Variants in EBF1 observed in about 807,000 individuals in gnomAD.
EBF1 encodes EBF transcription factor 1.
In EBF1, 10 loss-of-function variants were observed where a neutral mutation model predicts 68.4. The ratio of observed to expected loss-of-function variants is 0.15; its 90% confidence interval spans 0.09 to 0.25. The LOEUF is 0.25. Ranked by LOEUF, EBF1 falls within the 10% of genes least tolerant of loss-of-function variation. EBF1 has a pLI of 1.00. For synonymous variants in EBF1, 298 were observed against 299.8 expected (o/e 0.99, Z 0.06); for missense variants, 509 against 794.4 (o/e 0.64, Z 4.32).
chr5:159,096,651 G>A (rs551461580), intron 2 of EBF1: 3 of 611,170 alleles, frequency 4.9e-6, no homozygotes, highest in Middle Eastern at 4.4e-4. Context: ...CCAGGGCCTA[G>A]GGGCTCGTGC....
At chr5:159,023,079 G>A (rs1026739953) in intron 6 of EBF1, among the ~76,000 whole-genome samples, 22 of 152,006 alleles carry the variant, frequency 1.4e-4, no homozygotes, top group Middle Eastern at 3.4e-3. Context: ...TTTGGGAATC[G>A]TGAAAGCTTG....
At chr5:159,052,215 A>G (rs2127823797) in intron 6 of EBF1, among the ~76,000 whole-genome samples, 1 of 152,292 alleles carries the variant, frequency 6.6e-6, no homozygotes, top group African/African-American at 2.4e-5. Flanking sequence ...CACCAAAAAA[A>G]AAAGACATTG....
intron 6 of EBF1, among the ~76,000 whole-genome samples, chr5:158,982,183 C>G (rs1758034494): frequency 6.6e-6 from 1 of 152,178 alleles, no homozygotes; most frequent in African/African-American, 2.4e-5. Flanking sequence ...CTAAAAATAT[C>G]TTTAGAAATC....
At chr5:158,839,313 G>T (rs924083377) in intron 7 of EBF1, among the ~76,000 whole-genome samples, 1 of 152,244 alleles carries the variant, frequency 6.6e-6, no homozygotes. Flanking sequence ...CAAAGGAAGA[G>T]AAAGCCATTA....
At chr5:158,771,897 A>G (rs1773948274) in intron 10 of EBF1, among the ~76,000 whole-genome samples, 2 of 152,176 alleles carry the variant, frequency 1.3e-5, no homozygotes, top group Non-Finnish European at 2.9e-5. Context: ...CTATCAGCCC[A>G]GGGCTCTGTC....
chr5:158,780,524 T>G (rs1776237129), intron 9 of EBF1, among the ~76,000 whole-genome samples: 1 of 152,162 alleles, frequency 6.6e-6, no homozygotes, highest in Non-Finnish European at 1.5e-5. Context: ...TTTAAAAAAC[T>G]TATTTTAAAA....
At chr5:158,968,984 C>T (rs373763255) in intron 6 of EBF1, among the ~76,000 whole-genome samples, 2 of 152,216 alleles carry the variant, frequency 1.3e-5, no homozygotes, top group East Asian at 3.9e-4. Context: ...GCCTGGATAC[C>T]ACTGAAAATA....
At chr5:159,074,770 T>C (rs1778433910) in intron 5 of EBF1, among the ~76,000 whole-genome samples, 1 of 152,232 alleles carries the variant, frequency 6.6e-6, no homozygotes, top group Non-Finnish European at 1.5e-5. Context: ...GTATCTCCTT[T>C]GTCAAAGCCT....
At chr5:158,839,712 T>C (rs564300918) in intron 7 of EBF1, among the ~76,000 whole-genome samples, 1 of 152,286 alleles carries the variant, frequency 6.6e-6, no homozygotes, top group African/African-American at 2.4e-5. Flanking sequence ...GTTTTCTACA[T>C]ACAAAATTTT....
At chr5:158,896,063 TC>T (rs1319700006) in intron 6 of EBF1, among the ~76,000 whole-genome samples, 1 of 152,122 alleles carries the variant, frequency 6.6e-6, no homozygotes, top group Admixed American at 6.6e-5. Flanking sequence ...AAGGAAAGGT[TC>T]TTTAGCTACA....
chr5:159,007,464 AC>A (rs1421794849), intron 6 of EBF1, among the ~76,000 whole-genome samples: 1 of 152,224 alleles, frequency 6.6e-6, no homozygotes, highest in Non-Finnish European at 1.5e-5. Context: ...CTTATTGTGT[AC>A]TACATAAGCA....
intron 6 of EBF1, among the ~76,000 whole-genome samples, chr5:158,991,130 C>T (rs543935859): frequency 1.2e-4 from 18 of 152,316 alleles, no homozygotes; most frequent in Non-Finnish European, 2.4e-4. Flanking sequence ...ACTTTGATTT[C>T]TACGTTTGTT....
At chr5:158,832,755 T>C (rs753074970) in intron 7 of EBF1, among the ~76,000 whole-genome samples, 3 of 152,216 alleles carry the variant, frequency 2.0e-5, no homozygotes, top group Non-Finnish European at 4.4e-5. Flanking sequence ...AGAGATACCA[T>C]GGCTTGTTAA....
At position 158,923,041 on chromosome 5, in the gene EBF1, G is replaced by A. The variant is rs144891996; in HGVS notation, c.555-82931C>T. On this transcript the variant is annotated intron_variant, in intron 6 of 15. Coordinates refer to ENST00000313708, the MANE Select transcript of EBF1 (RefSeq NM_024007.5). ...TAGGTGGTCTATTAGCAGGAGGGGC[G>A]ATTTGAACGCAGAAAGCCCCTCCGT... is the stretch of plus-strand genomic sequence containing the variant. 2.8e-3 allele frequency among the ~76,000 whole-genome samples: 429 copies of A among 152,308 alleles called. 1 individual carries two copies. The highest frequency in any genetic ancestry group is 9.9e-3 in the African/African-American group (413 of 41,564).
intron 4 of EBF1, among the ~76,000 whole-genome samples, chr5:159,093,460 G>A (rs1209526288): frequency 6.6e-6 from 1 of 152,056 alleles, no homozygotes; most frequent in Non-Finnish European, 1.5e-5. Context: ...TTTCTCATAA[G>A]TGCTATTATC....
At chr5:158,867,657 T>C (rs1796176326) in intron 6 of EBF1, among the ~76,000 whole-genome samples, 1 of 147,586 alleles carries the variant, frequency 6.8e-6, no homozygotes, top group African/African-American at 2.5e-5. Flanking sequence ...AATTCTCACC[T>C]GCCTTAGTTT....
chr5:159,073,380 G>A lies in EBF1; in HGVS notation c.554+16C>T, dbSNP rs1778176295. 6.2e-7 allele frequency: 1 copy of A among 1,613,234 alleles called. No homozygotes were observed. On this transcript the variant is annotated intron_variant, in intron 6 of 15. Transcript: ENST00000313708. ...AATGAGGAATAAGAATCCAGTGAAA[G>A]AAGAGTGGTCCCTACCTGTCAATTA...
intron 10 of EBF1, among the ~76,000 whole-genome samples, chr5:158,738,642 T>C (rs913353762): frequency 2.0e-5 from 3 of 152,200 alleles, no homozygotes; most frequent in Non-Finnish European, 2.9e-5. Flanking sequence ...GCCCTTGACG[T>C]AAATGTTAAA....
intron 6 of EBF1, among the ~76,000 whole-genome samples, chr5:158,861,353 G>A (rs1379395747): frequency 7.2e-6 from 1 of 139,256 alleles, no homozygotes; most frequent in Admixed American, 7.0e-5. Flanking sequence ...AATTTTTAGA[G>A]ACTTGCTGAT....
Sources: gnomAD v4.1 joint callset for allele counts (sites outside exome capture counted in the v4.1 genomes callset) on GRCh38, gnomAD v4.1.1 for gene constraint, MANE v1.5 for transcripts, NCBI Gene and HGNC (gene_info 2026-07-23, HGNC 2026-07-21) for gene names.